RAD51B: variants seen among roughly 807,000 people sequenced by gnomAD.
The protein encoded by RAD51B is DNA repair protein RAD51 homolog 2.
A neutral mutation model predicts 42.2 loss-of-function variants in RAD51B; 38 were observed. That is an observed-to-expected ratio of 0.90 (90% confidence interval 0.70 to 1.18). The LOEUF is 1.18. Among genes scored for constraint, RAD51B ranks in the 50% most tolerant of loss-of-function variants. The probability of loss-of-function intolerance (pLI) is 0.00; values close to 1 mark genes in which losing one functional copy is unlikely to be tolerated. For synonymous variants in RAD51B, 154 were observed against 145.2 expected (o/e 1.06, Z -0.43); for missense variants, 373 against 400.7 (o/e 0.93, Z 0.59).
intron 7 of RAD51B, among the ~76,000 whole-genome samples, chr14:67,904,140 T>C (rs559137614): frequency 1.3e-5 from 2 of 152,272 alleles, no homozygotes; most frequent in South Asian, 4.1e-4. Flanking sequence ...CACATTTTCT[T>C]TATCTCGTTC....
Position 68,244,441 on chromosome 14 carries a change from A to G in RAD51B, c.757-47443A>G, listed in dbSNP as rs555548045. 2.0e-5 allele frequency among the ~76,000 whole-genome samples: 3 copies of G among 152,362 alleles called. No individual in the cohort carries two copies. The East Asian group carries it at 5.8e-4, about 29-fold the overall frequency. ...GCTCTCTTTCCCATTGTTTCAGAGA[A>G]GATGGAGCAAACACCCAGACAGAAG... On this transcript the variant is annotated intron_variant, in intron 7 of 10. Coordinates refer to ENST00000471583, the MANE Select transcript of RAD51B (RefSeq NM_133510.4).
chr14:68,235,333 A>ACAGC (rs1421226378), intron 7 of RAD51B, among the ~76,000 whole-genome samples: 2 of 151,860 alleles, frequency 1.3e-5, no homozygotes, highest in Non-Finnish European at 2.9e-5. Context: ...TGAAGCCAAG[A>ACAGC]CAGCCAATTA....
At chr14:68,407,736 G>A (rs2084314443) in intron 8 of RAD51B, among the ~76,000 whole-genome samples, 1 of 152,196 alleles carries the variant, frequency 6.6e-6, no homozygotes, top group African/African-American at 2.4e-5. Flanking sequence ...TTGGCACATA[G>A]GAAGTAGCAT....
chr14:68,569,435 CTT>C (rs949003364), intron 10 of RAD51B, among the ~76,000 whole-genome samples: 5 of 152,228 alleles, frequency 3.3e-5, no homozygotes, highest in African/African-American at 1.2e-4. Flanking sequence ...AATGAGCGCT[CTT>C]TCTCCCCTTG....
chr14:67,879,036 C>T (rs1157508417), intron 5 of RAD51B, among the ~76,000 whole-genome samples: 4 of 152,088 alleles, frequency 2.6e-5, no homozygotes, highest in Non-Finnish European at 5.9e-5. Context: ...CATATTGTAC[C>T]AAACAGGGCT....
chr14:68,126,602 C>T (rs1411765719), intron 7 of RAD51B, among the ~76,000 whole-genome samples: 2 of 152,202 alleles, frequency 1.3e-5, no homozygotes, highest in African/African-American at 4.8e-5. Flanking sequence ...TACTTGACAG[C>T]AGAGGTGCTT....
chr14:67,872,135 A>G (rs912723584), intron 5 of RAD51B, among the ~76,000 whole-genome samples: 3 of 150,788 alleles, frequency 2.0e-5, no homozygotes, highest in South Asian at 2.1e-4. Flanking sequence ...TTAGGAAAAG[A>G]GGAAGTCAAA....
intron 10 of RAD51B, among the ~76,000 whole-genome samples, chr14:68,601,386 T>C (rs1420042731): frequency 6.6e-6 from 1 of 152,174 alleles, no homozygotes; most frequent in South Asian, 2.1e-4. Context: ...GTCATTTTCA[T>C]GTCGGCTATA....
At chr14:68,210,686 G>C (rs1566732016) in intron 7 of RAD51B, among the ~76,000 whole-genome samples, 1 of 152,148 alleles carries the variant, frequency 6.6e-6, no homozygotes, top group Non-Finnish European at 1.5e-5. Context: ...ATCTCACAGA[G>C]TTTGTGTGAG....
intron 7 of RAD51B, among the ~76,000 whole-genome samples, chr14:68,002,689 C>T (rs895557852): frequency 1.3e-4 from 20 of 151,974 alleles, no homozygotes; most frequent in African/African-American, 4.1e-4. Context: ...TAATTAATCT[C>T]GAGTTGATTT....
intron 7 of RAD51B, among the ~76,000 whole-genome samples, chr14:67,942,125 G>A (rs1281152615): frequency 6.6e-6 from 1 of 152,152 alleles, no homozygotes. Flanking sequence ...GTTTAATAAA[G>A]TCTCTCATAT....
chr14:68,517,095 C>T (rs1886208077), intron 10 of RAD51B, among the ~76,000 whole-genome samples: 2 of 152,108 alleles, frequency 1.3e-5, no homozygotes, highest in Non-Finnish European at 2.9e-5. Context: ...ATGAAAGTGA[C>T]TAGTGCAGAT....
intron 7 of RAD51B, among the ~76,000 whole-genome samples, chr14:68,291,662 A>G (rs1000875970): frequency 3.3e-5 from 5 of 152,302 alleles, no homozygotes; most frequent in African/African-American, 1.2e-4. Flanking sequence ...AAGTCAGTCT[A>G]TTTCCTCAGT....
chr14:68,075,151 TG>T (rs1301655161), intron 7 of RAD51B, among the ~76,000 whole-genome samples: 1 of 151,816 alleles, frequency 6.6e-6, no homozygotes, highest in Non-Finnish European at 1.5e-5. Context: ...ACAATCAACC[TG>T]GGGTGGGGTG....
chr14:68,387,017 T>C (rs893290274), intron 8 of RAD51B: 10 of 152,248 alleles, frequency 6.6e-5, no homozygotes, highest in African/African-American at 2.2e-4. Flanking sequence ...TTTATGCATT[T>C]AAGTCACCAA....
chr14:68,262,404 A>G (rs1380354246), intron 7 of RAD51B, among the ~76,000 whole-genome samples: 1 of 152,094 alleles, frequency 6.6e-6, no homozygotes, highest in African/African-American at 2.4e-5. Context: ...CACCCACCCT[A>G]CCACTCCAAG....
At chr14:68,425,964 CT>C (rs1566876436) in intron 9 of RAD51B, among the ~76,000 whole-genome samples, 34 of 115,032 alleles carry the variant, frequency 3.0e-4, no homozygotes, top group East Asian at 9.2e-4. Context: ...TTCTTTCTTT[CT>C]TTCTTTCTTT....
At chr14:68,389,545 CT>C (rs2140010257) in intron 8 of RAD51B, among the ~76,000 whole-genome samples, 1 of 152,248 alleles carries the variant, frequency 6.6e-6, no homozygotes, top group East Asian at 1.9e-4. Context: ...CTTCTAGCCA[CT>C]TTTCTATGTA....
At chr14:68,183,526 GAAT>G (rs749159942) in intron 7 of RAD51B, among the ~76,000 whole-genome samples, 4 of 152,120 alleles carry the variant, frequency 2.6e-5, no homozygotes, top group African/African-American at 4.8e-5. Flanking sequence ...ACACACCCAG[GAAT>G]AATACTTTGC....
Sources: allele counts gnomAD v4.1 joint callset (sites outside exome capture counted in the v4.1 genomes callset), GRCh38; gene constraint gnomAD v4.1.1; transcripts MANE v1.5; gene names NCBI Gene and HGNC (gene_info 2026-07-23, HGNC 2026-07-21).